The following BRAF variants were observed in gnomAD, a reference collection of about 807,000 sequenced individuals.
BRAF encodes the protein B-Raf proto-oncogene, serine/threonine kinase, also known as serine/threonine-protein kinase B-raf.
In BRAF, 16 loss-of-function variants were observed where a neutral mutation model predicts 104.6. The observed-to-expected ratio is 0.15, with a 90% confidence interval of 0.10 to 0.23. The LOEUF (loss-of-function observed/expected upper bound fraction) is 0.23. BRAF is among the 10% of genes least tolerant of loss of function. BRAF has a pLI of 1.00. For missense variants in BRAF, 541 were observed against 937.3 expected (o/e 0.58, Z 5.52); for synonymous variants, 310 against 341.6 (o/e 0.91, Z 1.02).
intron 3 of BRAF, among the ~76,000 whole-genome samples, chr7:140,832,991 A>G (rs1806941802): frequency 6.6e-6 from 1 of 150,890 alleles, no homozygotes. Flanking sequence ...ATCCTGCCTC[A>G]GCCTCCAAAT....
chr7:140,732,410 T>C (rs1462480376), intron 19 of BRAF: 1 of 151,946 alleles, frequency 6.6e-6, no homozygotes, highest in Non-Finnish European at 1.5e-5. Flanking sequence ...ACAAATACAA[T>C]TAAACCTGAA....
chr7:140,883,456 A>G (rs553565757), intron 1 of BRAF, among the ~76,000 whole-genome samples: 1 of 152,216 alleles, frequency 6.6e-6, no homozygotes, highest in Non-Finnish European at 1.5e-5. Context: ...CTAGTTAATT[A>G]ATATTATTCA....
chr7:140,769,082 CT>C (rs374126926), intron 14 of BRAF, among the ~76,000 whole-genome samples: 12,222 of 145,724 alleles, frequency 0.084, 1,554 homozygotes, highest in African/African-American at 0.28. Flanking sequence ...CACCTCCAGT[CT>C]TTTTTTTTTT....
chr7:140,825,625 A>C (rs1442346077), intron 3 of BRAF, among the ~76,000 whole-genome samples: 1 of 152,200 alleles, frequency 6.6e-6, no homozygotes, highest in Non-Finnish European at 1.5e-5. Flanking sequence ...GAACCTATGA[A>C]AAGTGAACTC....
chr7:140,847,989 A>C (rs1421550314), intron 2 of BRAF, among the ~76,000 whole-genome samples: 1 of 152,232 alleles, frequency 6.6e-6, no homozygotes, highest in Non-Finnish European at 1.5e-5. Flanking sequence ...TTTTACCACA[A>C]GCTAATAATA....
chr7:140,726,821 C>G (rs550039989), intron 19 of BRAF, among the ~76,000 whole-genome samples: 2 of 152,316 alleles, frequency 1.3e-5, no homozygotes, highest in South Asian at 4.1e-4. Context: ...TTCTCAGAAA[C>G]TGAATGTAAA....
At chr7:140,804,411 G>T (rs1197507962) in intron 5 of BRAF, among the ~76,000 whole-genome samples, 4 of 151,106 alleles carry the variant, frequency 2.6e-5, no homozygotes, top group African/African-American at 7.3e-5. Context: ...TTTTTTGGGG[G>T]GGGTGGTTAA....
At chr7:140,844,422 ACTGTTT>A (rs1808331305) in intron 2 of BRAF, among the ~76,000 whole-genome samples, 2 of 152,252 alleles carry the variant, frequency 1.3e-5, no homozygotes, top group South Asian at 4.1e-4. Context: ...TGTTTTCTGC[ACTGTTT>A]CTGAGTTTCT....
At chr7:140,791,296 T>A (rs1455126392) in intron 8 of BRAF, among the ~76,000 whole-genome samples, 2 of 152,228 alleles carry the variant, frequency 1.3e-5, no homozygotes, top group Non-Finnish European at 2.9e-5. Context: ...AAAGATGACA[T>A]TTCAATTGCC....
Position 140,801,394 on chromosome 7 carries a change from T to G in BRAF, c.860+18A>C. ...TGTAAAATGGTAGGTAGAAAAGAGA[T>G]ATTTTTGGATTACTTACTCAAGTTG... On this transcript the variant is annotated intron_variant, in intron 6 of 19. Transcript: ENST00000644969. The G allele has an allele frequency of 6.2e-7, 1 of 1,612,934 alleles. No homozygotes were observed. The highest frequency in any genetic ancestry group is 8.5e-7 in the Non-Finnish European group (1 of 1,179,024).
chr7:140,865,605 T>C (rs897112697), intron 1 of BRAF, among the ~76,000 whole-genome samples: 1 of 152,242 alleles, frequency 6.6e-6, no homozygotes, highest in African/African-American at 2.4e-5. Context: ...ATCTTGACCC[T>C]GAATTATGTG....
intron 3 of BRAF, among the ~76,000 whole-genome samples, chr7:140,832,440 T>A (rs1586331064): frequency 6.6e-6 from 1 of 152,152 alleles, no homozygotes; most frequent in African/African-American, 2.4e-5. Flanking sequence ...AATGCTCAAA[T>A]AGTAACTGTT....
intron 1 of BRAF, among the ~76,000 whole-genome samples, chr7:140,904,061 G>C (rs1222046997): frequency 6.6e-6 from 1 of 152,210 alleles, no homozygotes; most frequent in Admixed American, 6.5e-5. Context: ...ATATTACATA[G>C]AATTAGTTGA....
rs544614586 is a variant in BRAF at position 140,908,389 on chromosome 7, G to A, written c.138+16177C>T. ...GTTTGATTACTTGTGACAATGTACT[G>A]TTCATTGTCCTTGAAAAATTACTGG... On this transcript the variant is annotated intron_variant, in intron 1 of 19. Transcript: ENST00000644969. 7.9e-5 allele frequency among the ~76,000 whole-genome samples: 12 copies of A among 151,886 alleles called. No homozygotes were observed. In the East Asian group the frequency reaches 2.3e-3, roughly 29 times the overall value.
intron 1 of BRAF, among the ~76,000 whole-genome samples, chr7:140,885,089 C>G (rs1427241386): frequency 6.6e-6 from 1 of 152,106 alleles, no homozygotes; most frequent in African/African-American, 2.4e-5. Context: ...TCAACCTTGG[C>G]CTCCCAGGTT....
At chr7:140,750,423 A>G (rs553684352) in intron 16 of BRAF, among the ~76,000 whole-genome samples, 2 of 152,224 alleles carry the variant, frequency 1.3e-5, no homozygotes, top group African/African-American at 4.8e-5. Flanking sequence ...AAACCCCTCA[A>G]CGTCCAGACT....
chr7:140,821,294 ATTTTTTT>A (rs58690200), intron 3 of BRAF, among the ~76,000 whole-genome samples: 3 of 73,922 alleles, frequency 4.1e-5, no homozygotes, highest in Admixed American at 1.6e-4. Flanking sequence ...TCTGAATTAC[ATTTTTTT>A]TTTTTTTTTT....
chr7:140,734,539 A>AT, intron 19 of BRAF: 1 of 1,612,606 alleles, frequency 6.2e-7, no homozygotes, highest in Non-Finnish European at 8.5e-7. Context: ...ATAAGCAAAC[A>AT]TATGTTCATT....
intron 1 of BRAF, among the ~76,000 whole-genome samples, chr7:140,913,778 G>A (rs563905710): frequency 8.5e-5 from 13 of 152,056 alleles, no homozygotes; most frequent in Admixed American, 5.9e-4. Flanking sequence ...CACTGCGCCC[G>A]GCCAACCACA....
Sources: allele counts gnomAD v4.1 joint callset (sites outside exome capture counted in the v4.1 genomes callset), GRCh38; gene constraint gnomAD v4.1.1; transcripts MANE v1.5; gene names NCBI Gene and HGNC (gene_info 2026-07-23, HGNC 2026-07-21).